CHCHD3: variants seen among roughly 807,000 people sequenced by gnomAD.
CHCHD3 encodes MICOS complex subunit MIC19.
In CHCHD3, 20 loss-of-function variants were observed where a neutral mutation model predicts 38.2. That is an observed-to-expected ratio of 0.52 (90% CI 0.37 to 0.76). The LOEUF is 0.76. CHCHD3 is among the 30% of genes least tolerant of loss of function. The pLI, the probability that CHCHD3 is intolerant of heterozygous loss-of-function variation, is 0.00. For synonymous variants in CHCHD3, 82 were observed against 100.0 expected, an observed-to-expected ratio of 0.82 and a Z score of 1.07; for missense variants, 245 against 279.2, an observed-to-expected ratio of 0.88 and a Z score of 0.87.
At chr7:132,905,446 T>TG (rs1809776071) in intron 4 of CHCHD3, among the ~76,000 whole-genome samples, 1 of 151,838 alleles carries the variant, frequency 6.6e-6, no homozygotes, top group South Asian at 2.1e-4. Context: ...TGGGGCCTGC[T>TG]GGGGGGCTGT....
chr7:132,919,165 G>C (rs544494135), intron 4 of CHCHD3, among the ~76,000 whole-genome samples: 1 of 126,790 alleles, frequency 7.9e-6, no homozygotes, highest in African/African-American at 3.0e-5. Context: ...CTGGAGTGCA[G>C]TGGCGCGATC....
chr7:133,002,614 T>A (rs1812602967), intron 3 of CHCHD3, among the ~76,000 whole-genome samples: 1 of 152,050 alleles, frequency 6.6e-6, no homozygotes, highest in Non-Finnish European at 1.5e-5. Flanking sequence ...AACACTCATA[T>A]AAAAAGACAA....
chr7:132,821,438 G>T (rs1321394661), intron 6 of CHCHD3, among the ~76,000 whole-genome samples: 1 of 152,148 alleles, frequency 6.6e-6, no homozygotes, highest in African/African-American at 2.4e-5. Context: ...ATTTTAACAT[G>T]TGGATACTTA....
At chr7:132,998,836 T>C (rs985650808) in intron 3 of CHCHD3, among the ~76,000 whole-genome samples, 2 of 152,148 alleles carry the variant, frequency 1.3e-5, no homozygotes, top group African/African-American at 4.8e-5. Context: ...CAATGGGTAA[T>C]CTGCACAGAT....
At chr7:132,863,754 A>G (rs879434089) in intron 5 of CHCHD3, among the ~76,000 whole-genome samples, 3 of 152,254 alleles carry the variant, frequency 2.0e-5, no homozygotes, top group Non-Finnish European at 2.9e-5. Flanking sequence ...TCCAGCTTCC[A>G]CATCAGCACC....
At chr7:132,830,322 G>T (rs532234423) in intron 6 of CHCHD3, among the ~76,000 whole-genome samples, 6 of 152,288 alleles carry the variant, frequency 3.9e-5, no homozygotes, top group African/African-American at 1.2e-4. Flanking sequence ...TTGACAGCTT[G>T]GGAGCTGGCA....
chr7:132,972,789 A>C, intron 4 of CHCHD3: 1 of 985,462 alleles, frequency 1.0e-6, no homozygotes, highest in Non-Finnish European at 1.2e-6. Context: ...ATGCTGAAAT[A>C]CAGGAGTTGT....
At position 133,006,993 on chromosome 7, in the gene CHCHD3, C is replaced by A. The variant is rs181725956; in HGVS notation, c.251+17553G>T. ...TCTCCTGTGTGTATAAGCCTGTGTA[C>A]CAAAATATTTACCGTGGTTTTGTGT... On this transcript the variant is annotated intron_variant, in intron 3 of 7. Coordinates refer to ENST00000262570, the MANE Select transcript of CHCHD3 (RefSeq NM_017812.4). 1.4e-4 allele frequency among the ~76,000 whole-genome samples: 22 copies of A among 151,996 alleles called. No homozygotes were observed. In the East Asian group the frequency reaches 4.3e-3, roughly 29 times the overall value.
At chr7:132,830,847 C>T (rs1398735193) in intron 6 of CHCHD3, 2 of 152,118 alleles carry the variant, frequency 1.3e-5, no homozygotes, top group African/African-American at 4.8e-5. Context: ...GGCTTGTGCA[C>T]AAAGGGTACA....
intron 2 of CHCHD3, among the ~76,000 whole-genome samples, chr7:133,069,503 G>A (rs1282173481): frequency 6.6e-6 from 1 of 152,106 alleles, no homozygotes; most frequent in Admixed American, 6.6e-5. Flanking sequence ...TCCATCAACT[G>A]GGCAGTATCA....
chr7:132,911,894 G>A (rs1036373772), intron 4 of CHCHD3, among the ~76,000 whole-genome samples: 8 of 152,180 alleles, frequency 5.3e-5, no homozygotes, highest in African/African-American at 1.9e-4. Flanking sequence ...ATGCAATGTA[G>A]GTTAATAATG....
intron 2 of CHCHD3, among the ~76,000 whole-genome samples, chr7:133,062,658 T>G (rs10266231): frequency 0.44 from 66,803 of 151,914 alleles, 15,159 homozygotes; most frequent in East Asian, 0.56. Context: ...TCTGCTGTCA[T>G]TGAAATTACT....
chr7:133,070,276 C>G, intron 1 of CHCHD3, 47 bp from the exon 2 acceptor site: 1 of 1,499,708 alleles, frequency 6.7e-7, no homozygotes, highest in Non-Finnish European at 9.3e-7. Flanking sequence ...ACAGCAAGAT[C>G]AAAAACCAGT....
At chr7:133,055,888 A>T (rs1264654983) in intron 2 of CHCHD3, among the ~76,000 whole-genome samples, 1 of 152,054 alleles carries the variant, frequency 6.6e-6, no homozygotes, top group Non-Finnish European at 1.5e-5. Context: ...CACACCTGTA[A>T]TCACGCCTGT....
chr7:132,882,076 A>G (rs1383161447), intron 5 of CHCHD3, among the ~76,000 whole-genome samples: 2 of 152,314 alleles, frequency 1.3e-5, no homozygotes, highest in Non-Finnish European at 2.9e-5. Context: ...CACAATGGAA[A>G]GTAAGCAAAT....
intron 3 of CHCHD3, among the ~76,000 whole-genome samples, chr7:133,017,763 G>A (rs775653958): frequency 8.6e-5 from 13 of 152,040 alleles, no homozygotes; most frequent in Non-Finnish European, 1.6e-4. Flanking sequence ...AGCATCAGTA[G>A]GAAAGAAAAT....
At chr7:132,832,533 TC>T (rs1644393812) in intron 6 of CHCHD3, among the ~76,000 whole-genome samples, 2 of 152,340 alleles carry the variant, frequency 1.3e-5, no homozygotes, top group East Asian at 3.9e-4. Context: ...AAATAGAAAC[TC>T]GCCACTTCAT....
chr7:132,818,546 T>A, intron 6 of CHCHD3, among the ~76,000 whole-genome samples: 1 of 152,206 alleles, frequency 6.6e-6, no homozygotes, highest in Non-Finnish European at 1.5e-5. Flanking sequence ...GTGGGTAGGC[T>A]TTTATAAGAA....
chr7:132,794,663 T>C (rs1328951409), intron 7 of CHCHD3, among the ~76,000 whole-genome samples: 1 of 152,084 alleles, frequency 6.6e-6, no homozygotes, highest in Non-Finnish European at 1.5e-5. Flanking sequence ...ACATAAAAGA[T>C]TGGAGAGTGA....
Sources: gnomAD v4.1 joint callset for allele counts (sites outside exome capture counted in the v4.1 genomes callset) on GRCh38, gnomAD v4.1.1 for gene constraint, MANE v1.5 for transcripts, NCBI Gene and HGNC (gene_info 2026-07-23, HGNC 2026-07-21) for gene names.